The following ANKFN1 variants were observed in gnomAD, a reference collection of about 807,000 sequenced individuals.
ANKFN1 encodes ankyrin repeat and fibronectin type-III domain-containing protein 1.
ANKFN1 carries 74 observed loss-of-function variants against 108.7 expected under a neutral mutation model. That is an observed-to-expected ratio of 0.68 (90% confidence interval 0.56 to 0.83). ANKFN1 has a LOEUF of 0.83. ANKFN1 is among the 40% of genes least tolerant of loss of function. The pLI, the probability that ANKFN1 is intolerant of heterozygous loss-of-function variation, is 0.00. For synonymous variants in ANKFN1, 547 were observed against 516.2 expected (o/e 1.06, Z -0.81); for missense variants, 1,505 against 1,382.3 (o/e 1.09, Z -1.41).
chr17:56,224,298 T>C (rs550412186), intron 2 of ANKFN1, among the ~76,000 whole-genome samples: 1 of 152,258 alleles, frequency 6.6e-6, no homozygotes, highest in Non-Finnish European at 1.5e-5. Flanking sequence ...TGAGAATCAG[T>C]GGGATAGAGA....
intron 3 of ANKFN1, among the ~76,000 whole-genome samples, chr17:56,281,723 T>C (rs899187199): frequency 6.6e-6 from 1 of 152,068 alleles, no homozygotes; most frequent in African/African-American, 2.4e-5. Context: ...TAAAAATAAT[T>C]AGCAGCACAT....
In ANKFN1 at chr17:56,376,029, A is replaced by T. The variant is rs151233020; in HGVS notation, c.910+1315A>T. Reference sequence around the variant, plus strand: ...TGGATTCACAAGGACATATGGAATTACACTGAACAGCCCTAAAAGCTGATA... The same window carrying T: ...TGGATTCACAAGGACATATGGAATTTCACTGAACAGCCCTAAAAGCTGATA... On this transcript the variant is annotated intron_variant, in intron 8 of 20. Transcript: ENST00000682825. 2.6e-5 allele frequency among the ~76,000 whole-genome samples: 4 copies of T among 152,360 alleles called. No individual in the cohort carries two copies. The South Asian group carries it at 6.2e-4, about 24-fold the overall frequency.
intron 18 of ANKFN1, among the ~76,000 whole-genome samples, chr17:56,488,775 C>T (rs975103452): frequency 6.6e-6 from 1 of 152,208 alleles, no homozygotes; most frequent in Admixed American, 6.5e-5. Context: ...AACTAGGCCA[C>T]ATGGCCCAGA....
chr17:56,407,918 A>C (rs1450413103), intron 8 of ANKFN1, among the ~76,000 whole-genome samples: 1 of 149,824 alleles, frequency 6.7e-6, no homozygotes, highest in Non-Finnish European at 1.5e-5. Flanking sequence ...TAAATATTTA[A>C]AATCTTTTTT....
At chr17:56,206,189 T>G (rs1032548261) in intron 1 of ANKFN1, among the ~76,000 whole-genome samples, 11 of 152,184 alleles carry the variant, frequency 7.2e-5, no homozygotes, top group African/African-American at 2.7e-4. Context: ...TCAGTGTATT[T>G]CCATTTATAG....
intron 11 of ANKFN1, among the ~76,000 whole-genome samples, chr17:56,451,132 T>C (rs1400693764): frequency 6.6e-6 from 1 of 152,216 alleles, no homozygotes; most frequent in Non-Finnish European, 1.5e-5. Flanking sequence ...GGTTCTCTTG[T>C]CATGTAAGTT....
intron 6 of ANKFN1, among the ~76,000 whole-genome samples, chr17:56,354,396 C>T (rs1346485091): frequency 1.3e-5 from 2 of 151,494 alleles, no homozygotes; most frequent in African/African-American, 4.9e-5. Context: ...TTTGTATCCA[C>T]AGTCAATGCG....
chr17:56,344,500 GATT>G (rs2046044702), intron 4 of ANKFN1, among the ~76,000 whole-genome samples: 1 of 152,012 alleles, frequency 6.6e-6, no homozygotes, highest in Non-Finnish European at 1.5e-5. Context: ...ACAGAGATGA[GATT>G]TTAGGATCTT....
At chr17:56,397,046 A>T (rs763430812) in intron 8 of ANKFN1, among the ~76,000 whole-genome samples, 4 of 151,908 alleles carry the variant, frequency 2.6e-5, no homozygotes, top group Non-Finnish European at 2.9e-5. Context: ...AATAAAATTA[A>T]TAAAATTTTT....
intron 8 of ANKFN1, among the ~76,000 whole-genome samples, chr17:56,416,977 T>G (rs2048258427): frequency 1.3e-5 from 2 of 152,104 alleles, no homozygotes; most frequent in South Asian, 4.2e-4. Context: ...ACTTCACATG[T>G]TCTGACTTAT....
At chr17:56,476,285 A>T (rs2050496782) in intron 15 of ANKFN1, among the ~76,000 whole-genome samples, 1 of 152,150 alleles carries the variant, frequency 6.6e-6, no homozygotes, top group South Asian at 2.1e-4. Flanking sequence ...TTACCTACTG[A>T]TGTGGAGGGA....
chr17:56,185,396 A>G (rs779289172), intron 1 of ANKFN1, among the ~76,000 whole-genome samples: 1 of 152,228 alleles, frequency 6.6e-6, no homozygotes, highest in African/African-American at 2.4e-5. Flanking sequence ...TTATTTTGCC[A>G]TAGGACAGGG....
rs189992469 is a variant in ANKFN1, at chr17:56,073,871, G to A, written c.288+27546G>A. Among the ~76,000 whole-genome samples the A allele has an allele frequency of 6.6e-5, 10 of 152,276 alleles. No individual in the cohort carries two copies. In the East Asian group the frequency reaches 1.7e-3, roughly 26 times the overall value. On this transcript the variant is annotated intron_variant, in intron 4 of 12. Coordinates refer to the ANKFN1 transcript ENST00000635860. ...TCCTTTTATGGCTGAATGAGATCAT[G>A]GTATGCAAATATCATGATTTGTGTA...
Position 56,511,166 on chromosome 17 carries a change from CCTCT to C in ANKFN1, c.3339_3342del (p.Ser1114GlufsTer14). 1 of 1,536,098 alleles carries C rather than the reference CCTCT, an allele frequency of 6.5e-7. No individual in the cohort carries two copies. The highest frequency in any genetic ancestry group is 8.7e-7 in the Non-Finnish European group (1 of 1,146,882). ...AAACCATGGGCAAGCTTGAGCCCGC[CCTCT>C]GGAGGCCGCATCACCCTGCCCAGCC... is the stretch of plus-strand genomic sequence containing the variant. On this transcript the variant is annotated frameshift_variant, in exon 21 of 21. Transcript: ENST00000682825. LOFTEE classifies it low-confidence loss of function (END_TRUNC).
At chr17:56,326,693 A>G (rs11079220) in intron 4 of ANKFN1, among the ~76,000 whole-genome samples, 53,673 of 152,164 alleles carry the variant, frequency 0.35, 9,651 homozygotes, top group East Asian at 0.57. Context: ...GTTTTGTTGT[A>G]TAAAATCATT....
chr17:56,433,869 T>A (rs557188893), intron 8 of ANKFN1, among the ~76,000 whole-genome samples: 28 of 151,976 alleles, frequency 1.8e-4, no homozygotes, highest in South Asian at 1.2e-3. Context: ...AAATATTTAG[T>A]CTGCATTATT....
chr17:56,122,078 A>C (rs1394136096), intron 4 of ANKFN1, among the ~76,000 whole-genome samples: 1 of 152,206 alleles, frequency 6.6e-6, no homozygotes, highest in African/African-American at 2.4e-5. Flanking sequence ...TGACATTCTG[A>C]AACTTGGCAT....
Position 56,511,255 on chromosome 17 carries a change from A to G in ANKFN1, c.3427A>G (p.Ser1143Gly), listed in dbSNP as rs1048509424. 1 of 1,526,984 alleles carries G rather than the reference A, an allele frequency of 6.5e-7. No homozygotes were observed. Among genetic ancestry groups the G allele is most frequent in the Non-Finnish European group, 8.8e-7 (1 of 1,141,074 alleles). The allele number at this position is 1,526,984 out of a possible 1,614,324, so 94.6% of individuals were successfully genotyped here. Reference sequence around the variant, plus strand: ...CGCCTCTCCCATGTCAGAAATACTCAGCAGCATGCTTTAGGGAGGCCCATC... The same window carrying G: ...CGCCTCTCCCATGTCAGAAATACTCGGCAGCATGCTTTAGGGAGGCCCATC... Reference protein sequence around the residue: ...PTASPMSEILSSML With the variant: ...PTASPMSEILGSML Residue 1143 changes from serine (S) to glycine (G), a missense_variant, in exon 21 of 21, where the codon AGC becomes GGC. Physicochemically the swap from Ser to Gly is moderately conservative, Grantham distance 56. Coordinates refer to ENST00000682825, the MANE Select transcript of ANKFN1 (RefSeq NM_001370326.1).
At chr17:56,081,032 T>G (rs1168638634) in intron 4 of ANKFN1, among the ~76,000 whole-genome samples, 1 of 152,138 alleles carries the variant, frequency 6.6e-6, no homozygotes, top group East Asian at 1.9e-4. Flanking sequence ...TGGAAGAGCG[T>G]GGAATACAAA....
Sources: allele counts gnomAD v4.1 joint callset (sites outside exome capture counted in the v4.1 genomes callset), GRCh38; gene constraint gnomAD v4.1.1; transcripts MANE v1.5; gene names NCBI Gene and HGNC (gene_info 2026-07-23, HGNC 2026-07-21).